NCOA2: variants seen among roughly 807,000 people sequenced by gnomAD.
NCOA2 encodes nuclear receptor coactivator 2.
Under a neutral mutation model 145.1 loss-of-function variants are expected in NCOA2, and 21 were observed. The observed-to-expected ratio is 0.14, with a 90% CI of 0.10 to 0.21. The LOEUF (loss-of-function observed/expected upper bound fraction) is 0.21, where lower values mean the gene tolerates loss of function less well. Among genes scored for constraint, NCOA2 ranks in the 10% least tolerant of loss-of-function variants. The probability of loss-of-function intolerance (pLI) is 1.00; values close to 1 mark genes in which losing one functional copy is unlikely to be tolerated. For synonymous variants in NCOA2, 619 were observed against 637.5 expected, an observed-to-expected ratio of 0.97 and a Z score of 0.44; for missense variants, 1,472 against 1,837.6, an observed-to-expected ratio of 0.80 and a Z score of 3.64.
At chr8:70,402,523 T>G (rs2131846264) in intron 1 of NCOA2, 1 of 151,952 alleles carries the variant, frequency 6.6e-6, no homozygotes, top group East Asian at 2.0e-4. Context: ...AAGAGGCGCC[T>G]CTGGGACTCC....
intron 1 of NCOA2, among the ~76,000 whole-genome samples, chr8:70,327,566 A>C (rs1377153367): frequency 6.6e-6 from 1 of 152,212 alleles, no homozygotes; most frequent in African/African-American, 2.4e-5. Flanking sequence ...CCAACAGACA[A>C]AATTAATGTA....
At chr8:70,185,110 A>G (rs934938072) in intron 4 of NCOA2, among the ~76,000 whole-genome samples, 1 of 152,178 alleles carries the variant, frequency 6.6e-6, no homozygotes, top group Admixed American at 6.5e-5. Flanking sequence ...AGAGACTGCT[A>G]CAACTCATCA....
intron 19 of NCOA2, among the ~76,000 whole-genome samples, chr8:70,125,075 T>C (rs1212643643): frequency 6.6e-6 from 1 of 152,106 alleles, no homozygotes; most frequent in Admixed American, 6.5e-5. Context: ...TGATTCCCCT[T>C]AGTAGTTAGA....
intron 1 of NCOA2, among the ~76,000 whole-genome samples, chr8:70,335,787 A>C (rs1401449300): frequency 6.6e-6 from 1 of 152,150 alleles, no homozygotes; most frequent in Non-Finnish European, 1.5e-5. Flanking sequence ...GCATATTTAC[A>C]CAAACCTAGA....
At chr8:70,170,496 A>T in intron 5 of NCOA2, 117 bp from the exon 6 acceptor site, 1 of 859,608 alleles carries the variant, frequency 1.2e-6, no homozygotes, top group Non-Finnish European at 1.7e-6. Context: ...TAGAAAAGAG[A>T]TCTTTCTCAG....
At chr8:70,236,059 G>A (rs1586203413) in intron 2 of NCOA2, among the ~76,000 whole-genome samples, 1 of 151,726 alleles carries the variant, frequency 6.6e-6, no homozygotes, top group African/African-American at 2.4e-5. Context: ...TTTATTCCCC[G>A]CCCCCAAAAT....
At chr8:70,347,445 A>G (rs997096914) in intron 1 of NCOA2, among the ~76,000 whole-genome samples, 6 of 151,642 alleles carry the variant, frequency 4.0e-5, no homozygotes, top group Admixed American at 1.3e-4. Flanking sequence ...AGATCGTGCC[A>G]TTGCACTCTA....
intron 2 of NCOA2, among the ~76,000 whole-genome samples, chr8:70,248,570 T>A (rs1822816112): frequency 6.6e-6 from 1 of 151,990 alleles, no homozygotes; most frequent in African/African-American, 2.4e-5. Context: ...TTCCAGGAGC[T>A]CCCCCTGGAT....
chr8:70,331,130 T>C (rs530141466), intron 1 of NCOA2, among the ~76,000 whole-genome samples: 4 of 152,296 alleles, frequency 2.6e-5, no homozygotes, highest in Non-Finnish European at 5.9e-5. Flanking sequence ...TACATTTACA[T>C]ATATAGCAAA....
In NCOA2 at chr8:70,225,143, C is replaced by G. The variant is rs528227490; in HGVS notation, c.-19-8379G>C. The stretch of plus-strand genomic sequence containing the variant: ...GTTATTGGAGAATATAGCAATAAAC[C>G]CAATAGACCAAGTCACTGACTCTTA... On this transcript the variant is annotated intron_variant, in intron 2 of 22. Coordinates refer to ENST00000452400, the MANE Select transcript of NCOA2 (RefSeq NM_006540.4). Among the ~76,000 whole-genome samples, 21 of 152,220 alleles carry G rather than the reference C, an allele frequency of 1.4e-4. No homozygotes were observed. In the East Asian group the frequency reaches 4.0e-3, roughly 29 times the overall value.
chr8:70,292,439 C>T (rs977879418), intron 2 of NCOA2, among the ~76,000 whole-genome samples: 6 of 151,642 alleles, frequency 4.0e-5, no homozygotes, highest in East Asian at 3.9e-4. Flanking sequence ...TGTGAGCCAC[C>T]GCACCCAGCC....
intron 14 of NCOA2, among the ~76,000 whole-genome samples, chr8:70,140,687 C>T (rs1810303194): frequency 6.7e-6 from 1 of 150,086 alleles, no homozygotes; most frequent in Non-Finnish European, 1.5e-5. Context: ...GCACCCTCCA[C>T]CTCCCAGGAA....
chr8:70,390,604 A>G (rs376561832), intron 1 of NCOA2, among the ~76,000 whole-genome samples: 1 of 131,844 alleles, frequency 7.6e-6, no homozygotes, highest in South Asian at 2.2e-4. Context: ...CTCTATAGAG[A>G]AAAAAAAAAA....
chr8:70,435,448 A>AAAAAAAAAAAG, the NCOA2 span, among the ~76,000 whole-genome samples: 1 of 147,494 alleles, frequency 6.8e-6, no homozygotes, highest in African/African-American at 2.5e-5. Context: ...AAAAAAAAAA[A>AAAAAAAAAAAG]AAAAAGAATA....
Position 70,212,354 on chromosome 8 carries a change from GT to G in NCOA2, c.259+1548del, listed in dbSNP as rs1819127293. On this transcript the variant is annotated intron_variant, in intron 4 of 22. Coordinates refer to ENST00000452400, the MANE Select transcript of NCOA2 (RefSeq NM_006540.4). ...GATACAAAATTGAGGTTTAAACTGA[GT>G]TTTTGATAACTAGTGAACCCCAAAG... Among the ~76,000 whole-genome samples the G allele has an allele frequency of 3.9e-5, 6 of 152,200 alleles. No individual in the cohort carries two copies. The South Asian group carries it at 1.2e-3, about 32-fold the overall frequency.
At chr8:70,128,639 A>G in intron 17 of NCOA2, 63 bp downstream of exon 17, 1 of 1,599,014 alleles carries the variant, frequency 6.3e-7, no homozygotes, top group Non-Finnish European at 8.5e-7. Flanking sequence ...GCTGTCTCAC[A>G]TCATCTTCCC....
At chr8:70,446,878 A>G in the NCOA2 span, among the ~76,000 whole-genome samples, 8 of 152,212 alleles carry the variant, frequency 5.3e-5, no homozygotes. Flanking sequence ...CAAACTATGC[A>G]CAAAATGCAA....
intron 12 of NCOA2, among the ~76,000 whole-genome samples, chr8:70,147,124 G>GCGCGCGCGCGCA (rs1811170657): frequency 1.3e-5 from 2 of 150,124 alleles, no homozygotes; most frequent in African/African-American, 5.0e-5. Context: ...GCGCGCGCGC[G>GCGCGCGCGCGCA]CGCGTGTGTG....
chr8:70,239,359 G>A (rs1022356840), intron 2 of NCOA2, among the ~76,000 whole-genome samples: 15 of 152,038 alleles, frequency 9.9e-5, no homozygotes, highest in African/African-American at 3.4e-4. Flanking sequence ...CAACCACCAA[G>A]CAGAAAAACC....
Sources: allele counts gnomAD v4.1 joint callset (sites outside exome capture counted in the v4.1 genomes callset), GRCh38; gene constraint gnomAD v4.1.1; transcripts MANE v1.5; gene names NCBI Gene and HGNC (gene_info 2026-07-23, HGNC 2026-07-21).